Variants in TMEM94 observed in about 807,000 individuals in gnomAD.
The protein encoded by TMEM94 is transmembrane protein 94.
A neutral mutation model predicts 158.6 loss-of-function variants in TMEM94; 81 were observed. The observed-to-expected ratio is 0.51, with a 90% CI of 0.43 to 0.61. The LOEUF (loss-of-function observed/expected upper bound fraction) is 0.61. Ranked by LOEUF, TMEM94 falls within the 20% of genes least tolerant of loss-of-function variation. TMEM94 has a pLI of 0.00. For synonymous variants in TMEM94, 751 were observed against 730.7 expected (o/e 1.03, Z -0.45); for missense variants, 1,435 against 1,762.0 (o/e 0.81, Z 3.32).
chr17:75,498,796 G>A lies in TMEM94; in HGVS notation c.3827+74G>A. The A allele has an allele frequency of 7.9e-6, 12 of 1,526,534 alleles. No individual in the cohort carries two copies. The highest frequency in any genetic ancestry group is 1.1e-5 in the Non-Finnish European group (12 of 1,135,908). The allele number at this position is 1,526,534 out of a possible 1,614,324, so 94.6% of individuals were successfully genotyped here. Reference sequence around the variant, plus strand: ...GCCTTCTGCAGGGCTAGGATCGGAGGGCGGGACCGGGGCCAGTGGTTTAAC... The same window carrying A: ...GCCTTCTGCAGGGCTAGGATCGGAGAGCGGGACCGGGGCCAGTGGTTTAAC... On this transcript the variant is annotated intron_variant, in intron 30 of 31. Transcript: ENST00000314256. The surrounding 1 kb of genome is among the most constrained non-coding windows in gnomAD (Gnocchi z 6.7).
In TMEM94 at chr17:75,492,111, G is replaced by A. The variant is rs1378947005; in HGVS notation, c.1596+211G>A. 2 of 778,926 alleles carry A rather than the reference G, an allele frequency of 2.6e-6. No individual in the cohort carries two copies. The highest frequency in any genetic ancestry group is 2.9e-5 in the Admixed American group (1 of 34,100). The allele number at this position is 778,926 out of a possible 1,614,324, so 48.3% of individuals were successfully genotyped here. The stretch of plus-strand genomic sequence containing the variant: ...CCCCTACCCTTCCATTCTTGTAATC[G>A]CAATCACTGGTGTCCCTACTGGAAC... On this transcript the variant is annotated intron_variant, in intron 14 of 31. Coordinates refer to ENST00000314256, the MANE Select transcript of TMEM94 (RefSeq NM_014738.6). This position sits in a 1 kb window ranked among gnomAD's most constrained non-coding sequence, Gnocchi z 4.4.
In TMEM94 at chr17:75,489,161, CG is replaced by C; in HGVS notation, c.765-103del. 1 of 1,125,974 alleles carries C rather than the reference CG, an allele frequency of 8.9e-7. No homozygotes were observed. The highest frequency in any genetic ancestry group is 1.3e-6 in the Non-Finnish European group (1 of 762,052). The allele number at this position is 1,125,974 out of a possible 1,614,324, so 69.7% of individuals were successfully genotyped here. On this transcript the variant is annotated intron_variant, in intron 7 of 31. Coordinates refer to ENST00000314256, the MANE Select transcript of TMEM94 (RefSeq NM_014738.6). The surrounding 1 kb of genome is among the most constrained non-coding windows in gnomAD (Gnocchi z 5.0). ...GCAGAGCGTGGAACTGCAGGACTCA[CG>C]GTGCTTGAAGAAGCGGTATCTGGCA...
At chr17:75,472,915 C>T (rs1336036585) in intron 2 of TMEM94, among the ~76,000 whole-genome samples, 2 of 152,224 alleles carry the variant, frequency 1.3e-5, no homozygotes, top group South Asian at 4.1e-4. Flanking sequence ...CTCCTTCCTT[C>T]CAGAGGTCCT....
Position 75,492,531 on chromosome 17 carries a change from C to T in TMEM94, c.1654C>T (p.His552Tyr). Residue 552 changes from histidine to tyrosine, a missense_variant, in exon 15 of 32, where the codon CAC (histidine) becomes TAC (tyrosine). Transcript: ENST00000314256. The surrounding 1 kb of genome is among the most constrained non-coding windows in gnomAD (Gnocchi z 4.4). ...YEAEDFVCDY[H>Y]LEMLSLSQDQ... ...AGCAGAGGACTTTGTGTGTGACTAC[C>T]ACCTGGAGATGCTGAGCCTGTCCCA... The T allele has an allele frequency of 6.2e-7, 1 of 1,613,270 alleles. No homozygotes were observed. The highest frequency in any genetic ancestry group is 8.5e-7 in the Non-Finnish European group (1 of 1,179,492).
Position 75,493,760 on chromosome 17 carries a change from T to TAC in TMEM94, c.2253_2254dup (p.Lys752ThrfsTer4). 1 of 1,614,114 alleles carries TAC rather than the reference T, an allele frequency of 6.2e-7. No individual in the cohort carries two copies. Among genetic ancestry groups the TAC allele is most frequent in the Non-Finnish European group, 8.5e-7 (1 of 1,180,034 alleles). On this transcript the variant is annotated frameshift_variant, in exon 18 of 32. Transcript: ENST00000314256. LOFTEE classifies it high-confidence loss of function. ...GTCTGGGTATTGCTCTGCCTTCGCC[T>TAC]ACAAGCCCATGAACTGCGCCCTGTC...
intron 1 of TMEM94, among the ~76,000 whole-genome samples, chr17:75,468,886 T>C (rs955034899): frequency 4.6e-5 from 7 of 152,168 alleles, no homozygotes; most frequent in Non-Finnish European, 8.8e-5. Flanking sequence ...AAGAGCTGTC[T>C]TAGTCAGTAG....
rs2053050389 is a variant in TMEM94, at chr17:75,499,092, C to G, written c.3998+10C>G. On this transcript the variant is annotated intron_variant, in intron 31 of 31. Transcript: ENST00000314256. ...AGCTACATGAGATTCGGTGAGCTGTCAGCAGGGCGCCTCCCTCTGGGCTCA... is the reference window on the plus strand; with the variant it reads ...AGCTACATGAGATTCGGTGAGCTGTGAGCAGGGCGCCTCCCTCTGGGCTCA... 5 of 1,576,870 alleles carry G rather than the reference C, an allele frequency of 3.2e-6. No homozygotes were observed. The East Asian group carries it at 1.1e-4, about 36-fold the overall frequency.
chr17:75,470,303 C>T (rs1049429540), intron 1 of TMEM94, among the ~76,000 whole-genome samples: 1 of 151,142 alleles, frequency 6.6e-6, no homozygotes, highest in Admixed American at 6.6e-5. Flanking sequence ...AAGACCCCTT[C>T]TCCACACAAA....
Position 75,488,953 on chromosome 17 carries a change from G to T in TMEM94, c.764+43G>T, listed in dbSNP as rs769982270. On this transcript the variant is annotated intron_variant, in intron 7 of 31. Transcript: ENST00000314256. Reference sequence around the variant, plus strand: ...CCTCCTCCTGTCCCTGGTGTCTTCTGTGAAGAGGGGAATGGGACTGACAAG... The same window carrying T: ...CCTCCTCCTGTCCCTGGTGTCTTCTTTGAAGAGGGGAATGGGACTGACAAG... The T allele has an allele frequency of 3.3e-6, 5 of 1,521,430 alleles. No homozygotes were observed. The East Asian group carries it at 6.8e-5, about 21-fold the overall frequency. 94.2% of individuals were successfully genotyped at this position (1,521,430 alleles called of 1,614,324 possible).
chr17:75,494,015 C>A (rs1198337459), intron 18 of TMEM94, 99 bp downstream of exon 18: 7 of 1,177,876 alleles, frequency 5.9e-6, no homozygotes, highest in Non-Finnish European at 8.4e-6. Context: ...CGGCACCCCC[C>A]ACAGCAAAGG....
chr17:75,491,950 TCCTGGCCTC>T lies in TMEM94; in HGVS notation c.1596+58_1596+66del. The T allele has an allele frequency of 1.3e-6, 2 of 1,541,886 alleles. No individual in the cohort carries two copies. Among genetic ancestry groups the T allele is most frequent in the Non-Finnish European group, 8.8e-7 (1 of 1,133,312 alleles). ...CAGCCACACCCTCGGCCACAGGCTGTCCTGGCCTCCCTGGCCAGCCTGGCCTCACAAGGT... is the reference window on the plus strand; with the variant it reads ...CAGCCACACCCTCGGCCACAGGCTGTCCTGGCCAGCCTGGCCTCACAAGGT... On this transcript the variant is annotated intron_variant, in intron 14 of 31. Transcript: ENST00000314256. The surrounding 1 kb of genome is among the most constrained non-coding windows in gnomAD (Gnocchi z 5.1).
chr17:75,475,390 G>A (rs1179954105), intron 2 of TMEM94, among the ~76,000 whole-genome samples: 3 of 152,180 alleles, frequency 2.0e-5, no homozygotes, highest in African/African-American at 7.2e-5. Context: ...TCTAGGAAAC[G>A]GAGGGCCCTG....
chr17:75,489,387 T>C lies in TMEM94; in HGVS notation c.867+19T>C, dbSNP rs752659606. 6.2e-7 allele frequency: 1 copy of C among 1,610,066 alleles called. No homozygotes were observed. The highest frequency in any genetic ancestry group is 8.5e-7 in the Non-Finnish European group (1 of 1,176,582). On this transcript the variant is annotated intron_variant, in intron 8 of 31. Coordinates refer to ENST00000314256, the MANE Select transcript of TMEM94 (RefSeq NM_014738.6). This position sits in a 1 kb window ranked among gnomAD's most constrained non-coding sequence, Gnocchi z 5.0. Reference sequence around the variant, plus strand: ...GGTCCTGGTGCGTGTGGCGGGGCTGTGCGGGGCTGCATGGGGCAGAGGAGA... The same window carrying C: ...GGTCCTGGTGCGTGTGGCGGGGCTGCGCGGGGCTGCATGGGGCAGAGGAGA...
intron 2 of TMEM94, among the ~76,000 whole-genome samples, chr17:75,478,295 G>A (rs371365176): frequency 2.9e-5 from 4 of 138,728 alleles, no homozygotes; most frequent in Non-Finnish European, 4.7e-5. Flanking sequence ...GGGATTACAG[G>A]CGTGAGCCAC....
chr17:75,496,524 G>T (rs2052701792), intron 24 of TMEM94, 53 bp downstream of exon 24: 1 of 1,577,844 alleles, frequency 6.3e-7, no homozygotes, highest in Non-Finnish European at 8.7e-7. Context: ...ACCCGCCTGG[G>T]GTGGGAGTAG....
Position 75,492,436 on chromosome 17 carries a change from C to T in TMEM94, c.1597-38C>T, listed in dbSNP as rs746038467. 6.5e-7 allele frequency: 1 copy of T among 1,546,240 alleles called. No individual in the cohort carries two copies. The highest frequency in any genetic ancestry group is 8.7e-7 in the Non-Finnish European group (1 of 1,143,058). On this transcript the variant is annotated intron_variant, in intron 14 of 31. Transcript: ENST00000314256. The surrounding 1 kb of genome is among the most constrained non-coding windows in gnomAD (Gnocchi z 4.4). ...GAGCCAGTGCTGGCTTCCCCACACC[C>T]TATCCCGGGCTGAGGCTCTCCTCCA...
chr17:75,492,015 C>G lies in TMEM94; in HGVS notation c.1596+115C>G. 1 of 1,086,228 alleles carries G rather than the reference C, an allele frequency of 9.2e-7. No individual in the cohort carries two copies. The highest frequency in any genetic ancestry group is 1.3e-6 in the Non-Finnish European group (1 of 748,218). The allele number at this position is 1,086,228 out of a possible 1,614,324, so 67.3% of individuals were successfully genotyped here. A position where few individuals can be genotyped will look rare whatever the true frequency, so the allele number is the denominator to read the frequency against. On this transcript the variant is annotated intron_variant, in intron 14 of 31. Coordinates refer to ENST00000314256, the MANE Select transcript of TMEM94 (RefSeq NM_014738.6). The surrounding 1 kb of genome is among the most constrained non-coding windows in gnomAD (Gnocchi z 4.4). ...AGAGCAGGCGTCTCTGCCCTCTGTCCCAGCACCTCCAGGCTAGGCCAGTGG... is the reference window on the plus strand; with the variant it reads ...AGAGCAGGCGTCTCTGCCCTCTGTCGCAGCACCTCCAGGCTAGGCCAGTGG...
intron 1 of TMEM94, among the ~76,000 whole-genome samples, chr17:75,469,901 C>T (rs897027055): frequency 6.6e-6 from 1 of 151,962 alleles, no homozygotes; most frequent in Non-Finnish European, 1.5e-5. Context: ...GGTGAAACCC[C>T]GTCTCTAGTA....
rs1006433193 is a variant in TMEM94, at chr17:75,490,499, T to C, written c.1071+149T>C. On this transcript the variant is annotated intron_variant, in intron 10 of 31. Coordinates refer to ENST00000314256, the MANE Select transcript of TMEM94 (RefSeq NM_014738.6). Reference sequence around the variant, plus strand: ...CTCTCCAGGCCTCGGGCCCTCTCCATTCCAGAAGGGCCTCCAGGCCAGGCC... The same window carrying C: ...CTCTCCAGGCCTCGGGCCCTCTCCACTCCAGAAGGGCCTCCAGGCCAGGCC... 8.2e-6 allele frequency: 8 copies of C among 975,322 alleles called. No individual in the cohort carries two copies. In the African/African-American group the frequency reaches 1.3e-4, roughly 16 times the overall value. 60.4% of individuals were successfully genotyped at this position (975,322 alleles called of 1,614,324 possible).
Sources: allele counts gnomAD v4.1 joint callset (sites outside exome capture counted in the v4.1 genomes callset), GRCh38; gene constraint gnomAD v4.1.1; non-coding constraint Gnocchi (gnomAD v3.1); transcripts MANE v1.5; gene names NCBI Gene and HGNC (gene_info 2026-07-23, HGNC 2026-07-21).